Variants in KTN1 observed in about 807,000 individuals in gnomAD.
The protein encoded by KTN1 is kinectin 1, also known as kinectin.
A neutral mutation model predicts 222.5 loss-of-function variants in KTN1; 130 were observed. The observed-to-expected ratio is 0.58, with a 90% CI of 0.51 to 0.68. The LOEUF (loss-of-function observed/expected upper bound fraction) is 0.68. Among genes scored for constraint, KTN1 ranks in the 30% least tolerant of loss-of-function variants. The pLI is 0.00. For synonymous variants in KTN1, 512 were observed against 496.3 expected (o/e 1.03, Z -0.42); for missense variants, 1,508 against 1,500.4 (o/e 1.01, Z -0.08).
chr14:55,637,064 A>C, intron 10 of KTN1, 134 bp from the exon 11 acceptor site: 3 of 578,510 alleles, frequency 5.2e-6, no homozygotes, highest in Non-Finnish European at 6.1e-6. Context: ...ATAGCCTGCT[A>C]CAGGAGCATG....
At position 55,655,537 on chromosome 14, in the gene KTN1, G is replaced by T. The variant is rs545267235; in HGVS notation, c.2802-505G>T. 7.9e-4 allele frequency among the ~76,000 whole-genome samples: 121 copies of T among 152,252 alleles called. 1 individual carries two copies. Among genetic ancestry groups the T allele is most frequent in the African/African-American group, 2.7e-3 (114 of 41,536 alleles). ...AGGAAACAGTTAAACACATCATTTT[G>T]ATGGTGGTGTTATGCTAGCGGTCTA... On this transcript the variant is annotated intron_variant, in intron 28 of 43. Coordinates refer to ENST00000395314, the MANE Select transcript of KTN1 (RefSeq NM_001079521.2).
At chr14:55,679,745 T>A in intron 43 of KTN1, 60 bp downstream of exon 43, 1 of 1,511,016 alleles carries the variant, frequency 6.6e-7, no homozygotes, top group South Asian at 1.2e-5. Context: ...CTGTGTAATG[T>A]GTATTTACAT....
chr14:55,625,682 G>A (rs1225082379), intron 5 of KTN1, among the ~76,000 whole-genome samples: 6 of 152,002 alleles, frequency 3.9e-5, no homozygotes, highest in Non-Finnish European at 7.4e-5. Flanking sequence ...AAAAATTTTC[G>A]AAATTTTGGC....
intron 13 of KTN1, 25 bp downstream of exon 13, chr14:55,639,247 A>G (rs771774523): frequency 1.3e-6 from 2 of 1,553,146 alleles, no homozygotes; most frequent in Non-Finnish European, 8.9e-7. Context: ...TCACACTCTT[A>G]TAATTGTGTA....
chr14:55,634,996 G>T (rs1162220210), intron 9 of KTN1, among the ~76,000 whole-genome samples: 1 of 152,150 alleles, frequency 6.6e-6, no homozygotes, highest in East Asian at 1.9e-4. Flanking sequence ...CCTCCACGTG[G>T]TCTCTCCCTT....
Position 55,640,380 on chromosome 14 carries a change from C to G in KTN1, c.1921C>G (p.Gln641Glu), listed in dbSNP as rs1316209302. 1.3e-6 allele frequency: 2 copies of G among 1,591,992 alleles called. No homozygotes were observed. Among genetic ancestry groups the G allele is most frequent in the Non-Finnish European group, 1.7e-6 (2 of 1,162,856 alleles). ...TSKEEELKDI[Q>E]NMNFLLKAEV... ...CTATTTTTCCTTGTTCTAGGATATA[C>G]AGAATATGAATTTCTTATTAAAAGC... Residue 641 changes from glutamine to glutamate, a missense_variant, in exon 15 of 44, where the codon CAG becomes GAG. Gln to Glu is a conservative substitution (Grantham distance 29). Coordinates refer to ENST00000395314, the MANE Select transcript of KTN1 (RefSeq NM_001079521.2).
intron 1 of KTN1, among the ~76,000 whole-genome samples, chr14:55,606,944 TTAAATGGTTG>T: frequency 6.6e-6 from 1 of 152,318 alleles, no homozygotes; most frequent in African/African-American, 2.4e-5. Flanking sequence ...CTTAATTATT[TTAAATGGTTG>T]TGTGATGTGT....
Position 55,675,844 on chromosome 14 carries a change from C to G in KTN1, c.3781C>G (p.Gln1261Glu). The G allele has an allele frequency of 1.2e-6, 2 of 1,607,188 alleles. No homozygotes were observed. Among genetic ancestry groups the G allele is most frequent in the Non-Finnish European group, 1.7e-6 (2 of 1,174,216 alleles). ...TCCTTTATTTTTACAGTTGAAGGCA[C>G]AGTTAAATGAAACACTCACAAAACT... Reference protein sequence around the residue: ...QNEELNLLKAQLNETLTKLRT... With the variant: ...QNEELNLLKAELNETLTKLRT... Residue 1261 changes from glutamine to glutamate, a missense_variant, in exon 41 of 44, where the codon CAG (glutamine) becomes GAG (glutamate). By Grantham distance (29) the Gln-to-Glu change is conservative. Transcript: ENST00000395314.
chr14:55,675,568 A>G, intron 40 of KTN1: 4 of 313,890 alleles, frequency 1.3e-5, no homozygotes, highest in Non-Finnish European at 2.3e-5. Flanking sequence ...TTTAAAAGGT[A>G]CTTTACTGGA....
Position 55,608,846 on chromosome 14 carries a change from T to C in KTN1, c.-30-3173T>C, listed in dbSNP as rs2037134951. ...GGTTTCACCATGTTGATCAGACTGC[T>C]CTCGAATTCCTGACCTCAAGTGATC... On this transcript the variant is annotated intron_variant, in intron 1 of 43. Transcript: ENST00000395314. 2.6e-5 allele frequency among the ~76,000 whole-genome samples: 4 copies of C among 152,024 alleles called. 1 individual carries two copies. The South Asian group carries it at 8.3e-4, about 32-fold the overall frequency.
chr14:55,641,047 A>G (rs1566776533), intron 16 of KTN1, 77 bp downstream of exon 16: 7 of 1,476,466 alleles, frequency 4.7e-6, no homozygotes, highest in South Asian at 1.2e-5. Flanking sequence ...ATTGCTGCTT[A>G]TAACTGATAG....
At chr14:55,677,492 A>T (rs1447021020) in intron 41 of KTN1, among the ~76,000 whole-genome samples, 1 of 151,866 alleles carries the variant, frequency 6.6e-6, no homozygotes, top group Non-Finnish European at 1.5e-5. Flanking sequence ...AAAAAAAAAA[A>T]AAAGTTAATA....
At position 55,641,904 on chromosome 14, in the gene KTN1, C is replaced by G. The variant is rs2041846200; in HGVS notation, c.2172+144C>G. The G allele has an allele frequency of 8.0e-6, 5 of 623,096 alleles. No individual in the cohort carries two copies. The South Asian group carries it at 8.2e-5, about 10-fold the overall frequency. 38.6% of individuals were successfully genotyped at this position (623,096 alleles called of 1,614,324 possible). ...TATTGCCTTTCTATTCATCCTGTAT[C>G]TAAATTCAGGAAATTTTTTCTCCCT... On this transcript the variant is annotated intron_variant, in intron 18 of 43. Transcript: ENST00000395314.
chr14:55,587,866 A>G (rs1022212123), intron 1 of KTN1, among the ~76,000 whole-genome samples: 2 of 152,168 alleles, frequency 1.3e-5, no homozygotes, highest in Non-Finnish European at 2.9e-5. Context: ...CTGTAATTTT[A>G]AGTTTAAATT....
At chr14:55,583,579 T>G (rs2032242100) in intron 1 of KTN1, among the ~76,000 whole-genome samples, 1 of 152,228 alleles carries the variant, frequency 6.6e-6, no homozygotes. Context: ...TTGGGCTTTC[T>G]CCTTCCTAAT....
intron 5 of KTN1, among the ~76,000 whole-genome samples, chr14:55,627,535 C>G (rs1301223178): frequency 6.6e-6 from 1 of 151,750 alleles, no homozygotes; most frequent in Admixed American, 6.6e-5. Context: ...ATACACATGC[C>G]GTGGTGGTTT....
chr14:55,584,407 A>G (rs1340819043), intron 1 of KTN1, among the ~76,000 whole-genome samples: 2 of 152,188 alleles, frequency 1.3e-5, no homozygotes, highest in African/African-American at 2.4e-5. Context: ...AGAGATAATA[A>G]ACACAATCAA....
intron 7 of KTN1, 57 bp downstream of exon 7, chr14:55,630,154 AC>A (rs1290603363): frequency 1.4e-6 from 2 of 1,471,114 alleles, no homozygotes; most frequent in Admixed American, 1.7e-5. Context: ...TTATTAGCAA[AC>A]TTTTAAGTGG....
intron 7 of KTN1, 93 bp from the exon 8 acceptor site, chr14:55,633,141 TG>T: frequency 1.9e-6 from 1 of 522,526 alleles, no homozygotes; most frequent in Non-Finnish European, 3.3e-6. Context: ...ATTCTATTGA[TG>T]TTTTTTATAT....
Sources: allele counts gnomAD v4.1 joint callset (sites outside exome capture counted in the v4.1 genomes callset), GRCh38; gene constraint gnomAD v4.1.1; transcripts MANE v1.5; gene names NCBI Gene and HGNC (gene_info 2026-07-23, HGNC 2026-07-21).